Variants in LRMDA observed in about 807,000 individuals in gnomAD.
The protein encoded by LRMDA is leucine rich melanocyte differentiation associated.
Under a neutral mutation model 29.8 loss-of-function variants are expected in LRMDA, and 18 were observed. That is an observed-to-expected ratio of 0.60 (90% CI 0.42 to 0.90). The LOEUF (loss-of-function observed/expected upper bound fraction) is 0.90. Ranked by LOEUF, LRMDA falls within the 40% of genes least tolerant of loss-of-function variation. LRMDA has a pLI of 0.00. For synonymous variants in LRMDA, 125 were observed against 109.4 expected (o/e 1.14, Z -0.89); for missense variants, 273 against 273.9 (o/e 1.00, Z 0.02).
At chr10:76,333,755 A>G (rs1840933278) in intron 6 of LRMDA, among the ~76,000 whole-genome samples, 1 of 152,242 alleles carries the variant, frequency 6.6e-6, no homozygotes, top group African/African-American at 2.4e-5. Context: ...TCGATGATCA[A>G]GGCCTGGAGT....
intron 2 of LRMDA, among the ~76,000 whole-genome samples, chr10:75,599,187 CT>C (rs2132089991): frequency 6.6e-6 from 1 of 152,282 alleles, no homozygotes; most frequent in Admixed American, 6.5e-5. Flanking sequence ...TGCAGAGAGT[CT>C]CCTGGCGCTA....
intron 2 of LRMDA, among the ~76,000 whole-genome samples, chr10:75,939,106 C>A (rs966732876): frequency 6.6e-6 from 1 of 152,168 alleles, no homozygotes; most frequent in African/African-American, 2.4e-5. Flanking sequence ...GCCAGCTTAA[C>A]ATTCTGTCTC....
At chr10:75,476,723 G>C (rs559318426) in intron 2 of LRMDA, among the ~76,000 whole-genome samples, 39 of 152,054 alleles carry the variant, frequency 2.6e-4, no homozygotes, top group Admixed American at 5.2e-4. Context: ...CCCAGCTCTT[G>C]GTGTTTGTTT....
intron 2 of LRMDA, among the ~76,000 whole-genome samples, chr10:75,581,439 GAA>G (rs1840589962): frequency 6.6e-6 from 1 of 152,192 alleles, no homozygotes; most frequent in Non-Finnish European, 1.5e-5. Flanking sequence ...AGGATGTCGA[GAA>G]ATAGGAACAC....
chr10:75,743,157 A>C (rs1389407460), intron 2 of LRMDA, among the ~76,000 whole-genome samples: 1 of 152,048 alleles, frequency 6.6e-6, no homozygotes, highest in Non-Finnish European at 1.5e-5. Context: ...GGTGGGAAGG[A>C]TGGGTTGGGT....
At chr10:76,539,707 C>A (rs1479455478) in intron 6 of LRMDA, among the ~76,000 whole-genome samples, 1 of 152,098 alleles carries the variant, frequency 6.6e-6, no homozygotes, top group African/African-American at 2.4e-5. Flanking sequence ...TGTGGAGGTG[C>A]ATTGTTCAGT....
At chr10:75,901,780 G>A (rs745943280) in intron 2 of LRMDA, among the ~76,000 whole-genome samples, 20 of 152,254 alleles carry the variant, frequency 1.3e-4, no homozygotes, top group South Asian at 6.2e-4. Flanking sequence ...TGATTGCCGC[G>A]AATTAATTAG....
intron 5 of LRMDA, among the ~76,000 whole-genome samples, chr10:76,301,503 C>T (rs1840479606): frequency 1.3e-5 from 2 of 152,120 alleles, no homozygotes; most frequent in Non-Finnish European, 2.9e-5. Flanking sequence ...AAGGGTAGGA[C>T]CAAGTGCTTG....
intron 2 of LRMDA, among the ~76,000 whole-genome samples, chr10:75,783,829 G>A (rs561765589): frequency 9.2e-5 from 14 of 152,126 alleles, no homozygotes; most frequent in African/African-American, 2.4e-4. Flanking sequence ...TCAATCAAGC[G>A]AAATGCCCCA....
At chr10:75,489,573 G>A (rs941874450) in intron 2 of LRMDA, among the ~76,000 whole-genome samples, 1 of 152,208 alleles carries the variant, frequency 6.6e-6, no homozygotes, top group East Asian at 1.9e-4. Context: ...AGGATTGTAC[G>A]ATGTCGGAGT....
At chr10:76,108,377 G>A (rs1284326582) in intron 5 of LRMDA, among the ~76,000 whole-genome samples, 1 of 152,190 alleles carries the variant, frequency 6.6e-6, no homozygotes, top group Non-Finnish European at 1.5e-5. Context: ...CATTACGCAT[G>A]TGTGGAAAGG....
At chr10:75,548,957 C>T (rs1840111472) in intron 2 of LRMDA, among the ~76,000 whole-genome samples, 1 of 152,092 alleles carries the variant, frequency 6.6e-6, no homozygotes, top group Non-Finnish European at 1.5e-5. Context: ...ACTACAATTT[C>T]CTATCTTGGA....
intron 2 of LRMDA, among the ~76,000 whole-genome samples, chr10:75,887,148 CATAAATGTAATATTTATAT>C (rs1379220877): frequency 6.7e-6 from 1 of 149,896 alleles, no homozygotes; most frequent in African/African-American, 2.4e-5. Flanking sequence ...TACATTTATA[CATAAATGTAATATTTATAT>C]ATAAATATAT....
chr10:76,017,751 C>A (rs2132487299), intron 2 of LRMDA, among the ~76,000 whole-genome samples: 1 of 152,280 alleles, frequency 6.6e-6, no homozygotes, highest in Non-Finnish European at 1.5e-5. Context: ...GATCTGAAAT[C>A]TCTGAGGGAC....
chr10:75,698,669 T>A (rs965604472), intron 2 of LRMDA, among the ~76,000 whole-genome samples: 1 of 151,832 alleles, frequency 6.6e-6, no homozygotes, highest in South Asian at 2.1e-4. Context: ...ACCTCTTTTT[T>A]TTTTTTTGTC....
rs555414859 is a variant in LRMDA at position 75,977,828 on chromosome 10, G to A, written c.132-58180G>A. ...ACTCATCTTCTGGTGTCACACTGTC[G>A]GGTTGAGTTCTGGCTCTGCCACTTA... On this transcript the variant is annotated intron_variant, in intron 2 of 6. Coordinates refer to ENST00000611255, the MANE Select transcript of LRMDA (RefSeq NM_001305581.2). Among the ~76,000 whole-genome samples, 7 of 152,284 alleles carry A rather than the reference G, an allele frequency of 4.6e-5. No individual in the cohort carries two copies. The East Asian group carries it at 1.2e-3, about 25-fold the overall frequency.
chr10:76,552,396 C>A (rs1423163334), intron 6 of LRMDA, among the ~76,000 whole-genome samples: 1 of 152,172 alleles, frequency 6.6e-6, no homozygotes, highest in South Asian at 2.1e-4. Context: ...ATTTTGGGGT[C>A]CCCCAGAGGC....
intron 6 of LRMDA, among the ~76,000 whole-genome samples, chr10:76,343,596 G>A (rs1262714214): frequency 6.6e-6 from 1 of 152,084 alleles, no homozygotes; most frequent in Non-Finnish European, 1.5e-5. Context: ...AAAAATAGAT[G>A]TGTACTTCCT....
intron 2 of LRMDA, among the ~76,000 whole-genome samples, chr10:75,634,356 A>G (rs922740961): frequency 6.6e-6 from 1 of 152,214 alleles, no homozygotes; most frequent in African/African-American, 2.4e-5. Flanking sequence ...TAAGTTTACA[A>G]TTTTTAAAAA....
Sources: allele counts gnomAD v4.1 joint callset (sites outside exome capture counted in the v4.1 genomes callset), GRCh38; gene constraint gnomAD v4.1.1; transcripts MANE v1.5; gene names NCBI Gene and HGNC (gene_info 2026-07-23, HGNC 2026-07-21).